Variants in GRID1 observed in about 807,000 individuals in gnomAD.
GRID1 encodes the protein glutamate receptor ionotropic, delta-1.
Under a neutral mutation model 98.0 loss-of-function variants are expected in GRID1, and 28 were observed. The ratio of observed to expected loss-of-function variants is 0.29; its 90% CI spans 0.21 to 0.39. The LOEUF (loss-of-function observed/expected upper bound fraction) is 0.39. Among genes scored for constraint, GRID1 ranks in the 10% least tolerant of loss-of-function variants. The probability of loss-of-function intolerance (pLI) is 1.00; values close to 1 mark genes in which losing one functional copy is unlikely to be tolerated. For synonymous variants in GRID1, 553 were observed against 538.5 expected (o/e 1.03, Z -0.37); for missense variants, 1,111 against 1,340.5 (o/e 0.83, Z 2.67).
intron 2 of GRID1, among the ~76,000 whole-genome samples, chr10:86,345,424 A>G (rs867123979): frequency 6.6e-6 from 1 of 152,188 alleles, no homozygotes; most frequent in Non-Finnish European, 1.5e-5. Flanking sequence ...GAAGCCAGCT[A>G]GCCTAGCAGC....
intron 5 of GRID1, among the ~76,000 whole-genome samples, chr10:85,875,986 T>A (rs1255514622): frequency 6.6e-6 from 1 of 152,198 alleles, no homozygotes; most frequent in Non-Finnish European, 1.5e-5. Flanking sequence ...ATAAACTCAG[T>A]TTTTGTTTGC....
intron 8 of GRID1, among the ~76,000 whole-genome samples, chr10:85,784,924 T>TG (rs1842412915): frequency 1.3e-5 from 2 of 152,248 alleles, no homozygotes; most frequent in African/African-American, 4.8e-5. Flanking sequence ...CTCACTTTCC[T>TG]GTCCCCATGG....
chr10:86,047,011 G>T (rs1218649372), intron 4 of GRID1, among the ~76,000 whole-genome samples: 1 of 152,190 alleles, frequency 6.6e-6, no homozygotes, highest in Non-Finnish European at 1.5e-5. Context: ...CACACCAGAG[G>T]TTGCAGGACT....
At chr10:85,990,476 C>A (rs114415920) in intron 4 of GRID1, among the ~76,000 whole-genome samples, 1 of 152,182 alleles carries the variant, frequency 6.6e-6, no homozygotes, top group Non-Finnish European at 1.5e-5. Flanking sequence ...TCAACAAATA[C>A]GTGATAGGTG....
intron 2 of GRID1, among the ~76,000 whole-genome samples, chr10:86,345,754 T>C (rs1161584145): frequency 6.6e-6 from 1 of 152,080 alleles, no homozygotes; most frequent in African/African-American, 2.4e-5. Flanking sequence ...CCTAGATCCT[T>C]TGATGCTCAG....
intron 12 of GRID1, among the ~76,000 whole-genome samples, chr10:85,687,547 T>A (rs1317940814): frequency 2.0e-4 from 30 of 152,078 alleles, no homozygotes; most frequent in Non-Finnish European, 5.9e-5. Context: ...GGAGGGTTGC[T>A]GGAGCCCAGG....
chr10:86,182,915 C>A (rs921347402), intron 3 of GRID1, among the ~76,000 whole-genome samples: 10 of 152,176 alleles, frequency 6.6e-5, no homozygotes, highest in Non-Finnish European at 1.3e-4. Context: ...GGACAAAGAA[C>A]CCCTGTGACG....
chr10:85,671,560 T>C (rs866916549), intron 12 of GRID1, among the ~76,000 whole-genome samples: 2 of 152,074 alleles, frequency 1.3e-5, no homozygotes, highest in African/African-American at 4.8e-5. Context: ...TCTCTCTCTC[T>C]CCTCAGGCCT....
chr10:85,813,717 T>C (rs1191860177), intron 8 of GRID1, among the ~76,000 whole-genome samples: 1 of 151,774 alleles, frequency 6.6e-6, no homozygotes, highest in African/African-American at 2.4e-5. Context: ...AAATAGTAAA[T>C]ATCTAGGCTA....
At chr10:85,656,751 TA>T (rs1315657952) in intron 12 of GRID1, among the ~76,000 whole-genome samples, 2 of 152,218 alleles carry the variant, frequency 1.3e-5, no homozygotes, top group Non-Finnish European at 2.9e-5. Context: ...TCTATCAAGA[TA>T]CATCTAGAAT....
chr10:85,617,805 C>G (rs1269024981), intron 14 of GRID1, among the ~76,000 whole-genome samples: 1 of 152,184 alleles, frequency 6.6e-6, no homozygotes, highest in Non-Finnish European at 1.5e-5. Flanking sequence ...GAGAGCAACC[C>G]ATGGGGTCTC....
At chr10:86,236,230 A>G (rs991828941) in intron 2 of GRID1, among the ~76,000 whole-genome samples, 3 of 152,138 alleles carry the variant, frequency 2.0e-5, no homozygotes, top group Non-Finnish European at 4.4e-5. Flanking sequence ...CCCATTTTGT[A>G]TTGGGTGGCT....
chr10:86,363,857 G>T, intron 2 of GRID1, 84 bp downstream of exon 2: 2 of 1,222,504 alleles, frequency 1.6e-6, no homozygotes, highest in Non-Finnish European at 1.2e-6. Context: ...GCGCAGCCCA[G>T]CTCGTCCCAA....
At chr10:85,901,483 C>T (rs1480769835) in intron 5 of GRID1, among the ~76,000 whole-genome samples, 2 of 152,076 alleles carry the variant, frequency 1.3e-5, no homozygotes, top group South Asian at 2.1e-4. Flanking sequence ...CTCCTGACCT[C>T]GTGATCTGCC....
intron 8 of GRID1, among the ~76,000 whole-genome samples, chr10:85,832,277 G>C: frequency 6.6e-6 from 1 of 151,652 alleles, no homozygotes; most frequent in East Asian, 1.9e-4. Flanking sequence ...TTCAGAAATA[G>C]AGAAAAATAC....
chr10:86,028,286 G>C (rs1440394474), intron 4 of GRID1, among the ~76,000 whole-genome samples: 1 of 152,202 alleles, frequency 6.6e-6, no homozygotes, highest in Non-Finnish European at 1.5e-5. Context: ...ATCTTTGTAT[G>C]CTGTTTGGGG....
chr10:86,211,464 G>C (rs1382762884), intron 2 of GRID1, among the ~76,000 whole-genome samples: 1 of 152,168 alleles, frequency 6.6e-6, no homozygotes, highest in East Asian at 1.9e-4. Flanking sequence ...ACAAAAGAAA[G>C]GGCTACTCAG....
chr10:85,830,339 C>G (rs1260059775), intron 8 of GRID1, among the ~76,000 whole-genome samples: 1 of 151,922 alleles, frequency 6.6e-6, no homozygotes, highest in East Asian at 1.9e-4. Context: ...AAATGTAAAA[C>G]CAAAAACTAA....
intron 4 of GRID1, among the ~76,000 whole-genome samples, chr10:86,116,225 T>C (rs530298152): frequency 3.5e-4 from 54 of 152,326 alleles, no homozygotes; most frequent in African/African-American, 1.1e-3. Flanking sequence ...AGTTGTCACT[T>C]TCTTGGCTGT....
Sources: gnomAD v4.1 joint callset for allele counts (sites outside exome capture counted in the v4.1 genomes callset) on GRCh38, gnomAD v4.1.1 for gene constraint, MANE v1.5 for transcripts, NCBI Gene and HGNC (gene_info 2026-07-23, HGNC 2026-07-21) for gene names.